Variants in GRIK2 observed in about 807,000 individuals in gnomAD.
The protein encoded by GRIK2 is glutamate ionotropic receptor kainate type subunit 2.
GRIK2 carries 32 observed loss-of-function variants against 100.3 expected under a neutral mutation model. The ratio of observed to expected loss-of-function variants is 0.32; its 90% confidence interval spans 0.24 to 0.43. The LOEUF is 0.43. Ranked by LOEUF, GRIK2 falls within the 20% of genes least tolerant of loss-of-function variation. The pLI, the probability that GRIK2 is intolerant of heterozygous loss-of-function variation, is 1.00. For synonymous variants in GRIK2, 417 were observed against 389.4 expected, an observed-to-expected ratio of 1.07 and a Z score of -0.83; for missense variants, 843 against 1,114.9, an observed-to-expected ratio of 0.76 and a Z score of 3.47.
At chr6:101,740,951 T>A (rs1048657855) in intron 7 of GRIK2, among the ~76,000 whole-genome samples, 2 of 151,996 alleles carry the variant, frequency 1.3e-5, no homozygotes, top group African/African-American at 2.4e-5. Context: ...CATTTCACCA[T>A]GAGATTTTTG....
At chr6:101,993,146 T>A (rs894470010) in intron 14 of GRIK2, 1 of 151,256 alleles carries the variant, frequency 6.6e-6, no homozygotes, top group Non-Finnish European at 1.5e-5. Flanking sequence ...AAACCATTCT[T>A]ACTCTACATA....
At chr6:101,465,020 G>T (rs1164918308) in intron 2 of GRIK2, among the ~76,000 whole-genome samples, 1 of 152,102 alleles carries the variant, frequency 6.6e-6, no homozygotes, top group African/African-American at 2.4e-5. Flanking sequence ...CCCTTTAATA[G>T]TTCCAAAAAA....
chr6:101,585,877 C>T (rs753634027), intron 2 of GRIK2, among the ~76,000 whole-genome samples: 6 of 152,026 alleles, frequency 3.9e-5, no homozygotes, highest in Non-Finnish European at 7.4e-5. Context: ...GCTGTACAAT[C>T]ATGTGGTGGA....
At chr6:101,809,332 G>T (rs1377332382) in intron 9 of GRIK2, among the ~76,000 whole-genome samples, 3 of 151,954 alleles carry the variant, frequency 2.0e-5, no homozygotes, top group Admixed American at 2.0e-4. Context: ...TTTTTGTAAA[G>T]TATGTATTTT....
chr6:101,751,941 G>A (rs543861647), intron 7 of GRIK2, among the ~76,000 whole-genome samples: 2 of 152,258 alleles, frequency 1.3e-5, no homozygotes, highest in African/African-American at 4.8e-5. Flanking sequence ...GGGGCTAAAT[G>A]AGGAGATTCT....
chr6:101,841,341 T>G (rs1783486218), intron 10 of GRIK2, among the ~76,000 whole-genome samples: 3 of 151,846 alleles, frequency 2.0e-5, no homozygotes, highest in Admixed American at 2.0e-4. Flanking sequence ...TTTAACAAAT[T>G]CACGTGCATT....
At chr6:101,744,231 C>T (rs1283098550) in intron 7 of GRIK2, among the ~76,000 whole-genome samples, 4 of 151,812 alleles carry the variant, frequency 2.6e-5, no homozygotes, top group African/African-American at 9.7e-5. Context: ...CATGAGCCGT[C>T]GTGCCCAGCC....
chr6:101,577,896 A>T (rs1314642098), intron 2 of GRIK2, among the ~76,000 whole-genome samples: 1 of 152,054 alleles, frequency 6.6e-6, no homozygotes, highest in Non-Finnish European at 1.5e-5. Flanking sequence ...TTCCTGGGGA[A>T]TGGGGAATGG....
At chr6:101,489,699 T>C (rs544467128) in intron 2 of GRIK2, among the ~76,000 whole-genome samples, 1 of 146,358 alleles carries the variant, frequency 6.8e-6, no homozygotes, top group African/African-American at 2.6e-5. Context: ...ACTCTCATTT[T>C]CTAAGTATGT....
intron 7 of GRIK2, 37 bp from the exon 8 acceptor site, chr6:101,799,611 A>G (rs1343873848): frequency 1.3e-6 from 2 of 1,563,886 alleles, no homozygotes; most frequent in South Asian, 2.2e-5. Context: ...TCTACAAGTT[A>G]TATTGACTAT....
rs547513262 is a variant in GRIK2 at position 101,898,790 on chromosome 6, G to GTTTTGA, written c.1748+8931_1748+8932insGATTTT. On this transcript the variant is annotated intron_variant, in intron 12 of 16. Coordinates refer to ENST00000369134, the MANE Select transcript of GRIK2 (RefSeq NM_021956.5). ...TGAAGACTCAAGTGGTATTAGTATT[G>GTTTTGA]TTTTTTCATAATTCATGGATATGAG... Among the ~76,000 whole-genome samples the GTTTTGA allele has an allele frequency of 7.8e-3, 1,183 of 151,972 alleles. 21 individuals are homozygous for GTTTTGA. The highest frequency in any genetic ancestry group is 0.027 in the African/African-American group (1,120 of 41,500).
At chr6:101,511,844 G>A (rs939087427) in intron 2 of GRIK2, among the ~76,000 whole-genome samples, 5 of 151,802 alleles carry the variant, frequency 3.3e-5, no homozygotes, top group African/African-American at 1.2e-4. Context: ...AATTTTTTAT[G>A]AACTCACCTA....
chr6:101,422,827 G>GA (rs1186657864), intron 2 of GRIK2, among the ~76,000 whole-genome samples: 3 of 152,058 alleles, frequency 2.0e-5, no homozygotes, highest in East Asian at 1.9e-4. Flanking sequence ...AACTCAACCA[G>GA]AAAAAATAAT....
intron 7 of GRIK2, among the ~76,000 whole-genome samples, chr6:101,740,225 C>T (rs527827535): frequency 7.6e-4 from 115 of 152,246 alleles, no homozygotes; most frequent in African/African-American, 2.6e-3. Flanking sequence ...TAAATCCCTG[C>T]TCTCTGCACT....
At chr6:101,551,162 T>A (rs1398123344) in intron 2 of GRIK2, among the ~76,000 whole-genome samples, 1 of 152,154 alleles carries the variant, frequency 6.6e-6, no homozygotes, top group Non-Finnish European at 1.5e-5. Flanking sequence ...CCAGTCAGAA[T>A]GAAATTTGCA....
intron 2 of GRIK2, among the ~76,000 whole-genome samples, chr6:101,408,542 A>G (rs1426021667): frequency 1.3e-5 from 2 of 152,134 alleles, no homozygotes; most frequent in East Asian, 1.9e-4. Flanking sequence ...CTTGAGGTCC[A>G]GGAAGATTCA....
intron 2 of GRIK2, among the ~76,000 whole-genome samples, chr6:101,538,073 A>T (rs1775802032): frequency 6.6e-6 from 1 of 151,836 alleles, no homozygotes; most frequent in Admixed American, 6.6e-5. Context: ...ACTGTTCATA[A>T]TAGCATATCA....
At chr6:102,038,500 A>G (rs1352615775) in intron 15 of GRIK2, among the ~76,000 whole-genome samples, 1 of 151,274 alleles carries the variant, frequency 6.6e-6, no homozygotes, top group Admixed American at 6.6e-5. Context: ...TTTGCTGTTC[A>G]TTGTTTCAGC....
intron 2 of GRIK2, among the ~76,000 whole-genome samples, chr6:101,498,098 A>G (rs1422884327): frequency 2.9e-5 from 4 of 135,926 alleles, no homozygotes; most frequent in Admixed American, 2.5e-4. Context: ...ATTTCCACCT[A>G]TGAGTGAGAA....
Sources: allele counts gnomAD v4.1 joint callset (sites outside exome capture counted in the v4.1 genomes callset), GRCh38; gene constraint gnomAD v4.1.1; transcripts MANE v1.5; gene names NCBI Gene and HGNC (gene_info 2026-07-23, HGNC 2026-07-21).